Variants in TRHDE observed in about 807,000 individuals in gnomAD.
TRHDE encodes the protein thyrotropin-releasing hormone-degrading ectoenzyme.
TRHDE carries 72 observed loss-of-function variants against 125.7 expected under a neutral mutation model. That is an observed-to-expected ratio of 0.57 (90% CI 0.47 to 0.70). TRHDE has a LOEUF of 0.70. TRHDE is among the 30% of genes least tolerant of loss of function. TRHDE has a pLI of 0.00. For missense variants in TRHDE, 1,110 were observed against 1,327.1 expected (o/e 0.84, Z 2.54); for synonymous variants, 509 against 509.1 (o/e 1.00, Z 0.00).
At chr12:72,121,497 A>G (rs984294494) in intron 2 of TRHDE, among the ~76,000 whole-genome samples, 1 of 152,180 alleles carries the variant, frequency 6.6e-6, no homozygotes, top group African/African-American at 2.4e-5. Flanking sequence ...GTTACAGGGC[A>G]GCACTGAGTT....
At chr12:72,415,671 T>G (rs1873702036) in intron 3 of TRHDE, among the ~76,000 whole-genome samples, 1 of 152,040 alleles carries the variant, frequency 6.6e-6, no homozygotes, top group African/African-American at 2.4e-5. Flanking sequence ...CTTATTTCAC[T>G]TAACACAATA....
chr12:72,587,439 T>C (rs541357735), intron 12 of TRHDE, among the ~76,000 whole-genome samples: 30 of 152,182 alleles, frequency 2.0e-4, no homozygotes, highest in Admixed American at 2.0e-3. Context: ...AGATGATAGA[T>C]TGGTAGTTAC....
At chr12:72,596,381 T>C (rs1487406836) in intron 12 of TRHDE, among the ~76,000 whole-genome samples, 1 of 152,136 alleles carries the variant, frequency 6.6e-6, no homozygotes, top group African/African-American at 2.4e-5. Context: ...ATTGAATAAA[T>C]GTTTATGAGG....
intron 2 of TRHDE, among the ~76,000 whole-genome samples, chr12:72,347,438 A>T (rs1434133987): frequency 1.3e-5 from 2 of 152,134 alleles, no homozygotes; most frequent in African/African-American, 4.8e-5. Context: ...GTGGCTTAGA[A>T]AGCAGCATTT....
intron 6 of TRHDE, among the ~76,000 whole-genome samples, chr12:72,523,947 TG>T (rs1466316638): frequency 6.6e-6 from 1 of 152,188 alleles, no homozygotes. Context: ...AAGTGAAAGC[TG>T]TCCTGTTTTA....
chr12:72,146,880 T>C (rs943422715), intron 2 of TRHDE, among the ~76,000 whole-genome samples: 17 of 152,250 alleles, frequency 1.1e-4, no homozygotes, highest in Admixed American at 3.3e-4. Context: ...CAAGTTTTTA[T>C]TGAGTGGTGG....
chr12:72,550,712 A>AT lies in TRHDE; in HGVS notation c.1788+8362dup, dbSNP rs375321998. Among the ~76,000 whole-genome samples the AT allele has an allele frequency of 2.7e-3, 408 of 151,804 alleles. 1 individual carries two copies. The highest frequency in any genetic ancestry group is 9.1e-3 in the African/African-American group (378 of 41,480). ...CACTCTAATAATCTTTACATTGTTG[A>AT]TTTTTTCCATTATATTTTCAACTAT... On this transcript the variant is annotated intron_variant, in intron 7 of 18. Transcript: ENST00000261180.
chr12:72,619,789 G>A (rs1406526906), intron 13 of TRHDE, among the ~76,000 whole-genome samples: 2 of 152,100 alleles, frequency 1.3e-5, no homozygotes, highest in Non-Finnish European at 2.9e-5. Context: ...GTAAGAGCCT[G>A]CCCTGTGTTT....
intron 7 of TRHDE, among the ~76,000 whole-genome samples, chr12:72,547,272 A>T (rs1869464096): frequency 6.6e-6 from 1 of 151,732 alleles, no homozygotes; most frequent in African/African-American, 2.4e-5. Flanking sequence ...TTCTCAGCTG[A>T]TTTCAACAAT....
intron 12 of TRHDE, among the ~76,000 whole-genome samples, chr12:72,598,937 T>C (rs1208102801): frequency 6.6e-6 from 1 of 152,118 alleles, no homozygotes; most frequent in Non-Finnish European, 1.5e-5. Context: ...TTTATGTCCA[T>C]GAGTACCTAT....
chr12:72,142,534 C>T (rs190998198), intron 2 of TRHDE, among the ~76,000 whole-genome samples: 42 of 152,184 alleles, frequency 2.8e-4, no homozygotes, highest in Non-Finnish European at 3.8e-4. Context: ...AGGGAAATAC[C>T]GGGTAGAAGA....
intron 6 of TRHDE, among the ~76,000 whole-genome samples, chr12:72,517,579 T>A (rs1353327883): frequency 1.3e-5 from 2 of 152,180 alleles, no homozygotes; most frequent in African/African-American, 4.8e-5. Context: ...GTTTTGTTGA[T>A]CCTTTCAAAA....
intron 2 of TRHDE, among the ~76,000 whole-genome samples, chr12:72,153,672 G>A (rs1232091110): frequency 1.3e-5 from 2 of 152,072 alleles, no homozygotes; most frequent in Non-Finnish European, 2.9e-5. Flanking sequence ...TCATTCAGGA[G>A]CAGGTTGTTC....
chr12:72,352,656 G>A (rs1486493141), intron 2 of TRHDE, among the ~76,000 whole-genome samples: 2 of 151,718 alleles, frequency 1.3e-5, no homozygotes, highest in African/African-American at 4.8e-5. Context: ...CTAGAAAGAT[G>A]TTCATAAAGT....
At chr12:72,630,942 A>T (rs1873470509) in intron 15 of TRHDE, among the ~76,000 whole-genome samples, 1 of 149,870 alleles carries the variant, frequency 6.7e-6, no homozygotes. Flanking sequence ...ACTTCTAACT[A>T]TTAGAGTTCC....
chr12:72,542,508 C>T (rs1869205789), intron 7 of TRHDE, 152 bp downstream of exon 7: 5 of 528,608 alleles, frequency 9.5e-6, no homozygotes, highest in East Asian at 6.0e-5. Context: ...AATGAAAATT[C>T]TAGATAGGAT....
At chr12:72,596,007 A>C (rs1329670245) in intron 12 of TRHDE, among the ~76,000 whole-genome samples, 1 of 152,132 alleles carries the variant, frequency 6.6e-6, no homozygotes, top group Non-Finnish European at 1.5e-5. Context: ...CAAATTATTC[A>C]GGGTTGATAT....
At chr12:72,487,476 GGAT>G (rs1374080878) in intron 5 of TRHDE, among the ~76,000 whole-genome samples, 1 of 151,742 alleles carries the variant, frequency 6.6e-6, no homozygotes, top group African/African-American at 2.4e-5. Flanking sequence ...GGAAAGAACG[GGAT>G]GATATTTTCA....
intron 12 of TRHDE, among the ~76,000 whole-genome samples, chr12:72,603,283 CA>C (rs2136061343): frequency 6.6e-6 from 1 of 152,032 alleles, no homozygotes; most frequent in East Asian, 1.9e-4. Flanking sequence ...ATGGAAAAAG[CA>C]ATGAAAGTGA....
Sources: allele counts gnomAD v4.1 joint callset (sites outside exome capture counted in the v4.1 genomes callset), GRCh38; gene constraint gnomAD v4.1.1; transcripts MANE v1.5; gene names NCBI Gene and HGNC (gene_info 2026-07-23, HGNC 2026-07-21).